CDK6: variants seen among roughly 807,000 people sequenced by gnomAD.
The protein encoded by CDK6 is cyclin dependent kinase 6.
A neutral mutation model predicts 37.1 loss-of-function variants in CDK6; 6 were observed. That is an observed-to-expected ratio of 0.16 (90% CI 0.09 to 0.32). The LOEUF (loss-of-function observed/expected upper bound fraction) is 0.32, where lower values mean the gene tolerates loss of function less well. CDK6 is among the 10% of genes least tolerant of loss of function. CDK6 has a pLI of 1.00. For missense variants in CDK6, 224 were observed against 418.9 expected, an observed-to-expected ratio of 0.53 and a Z score of 4.06; for synonymous variants, 160 against 161.3, an observed-to-expected ratio of 0.99 and a Z score of 0.06.
chr7:92,813,624 T>C (rs1319737411), intron 2 of CDK6, among the ~76,000 whole-genome samples: 1 of 152,236 alleles, frequency 6.6e-6, no homozygotes, highest in Non-Finnish European at 1.5e-5. Context: ...CAGAGCTAGC[T>C]GCAGAGATGG....
chr7:92,784,500 T>A (rs1210704922), intron 2 of CDK6, among the ~76,000 whole-genome samples: 1 of 152,054 alleles, frequency 6.6e-6, no homozygotes, highest in African/African-American at 2.4e-5. Flanking sequence ...CACCTAGACA[T>A]GATGAACTTT....
chr7:92,619,743 G>A (rs991659617), intron 6 of CDK6, among the ~76,000 whole-genome samples: 3 of 151,684 alleles, frequency 2.0e-5, no homozygotes, highest in South Asian at 4.2e-4. Context: ...ACTGTAATTC[G>A]GCCTCTATCA....
At chr7:92,826,281 T>C (rs569911450) in intron 2 of CDK6, among the ~76,000 whole-genome samples, 1 of 152,218 alleles carries the variant, frequency 6.6e-6, no homozygotes, top group African/African-American at 2.4e-5. Flanking sequence ...GAGTTAACAT[T>C]CCATCTTACA....
chr7:92,807,415 TA>T (rs1800755530), intron 2 of CDK6, among the ~76,000 whole-genome samples: 1 of 151,940 alleles, frequency 6.6e-6, no homozygotes, highest in Admixed American at 6.6e-5. Flanking sequence ...TCTATCTAGA[TA>T]TAGATAGATA....
In CDK6 at chr7:92,781,322, C is replaced by CA. The variant is rs1562963664; in HGVS notation, c.234-6492dup. Among the ~76,000 whole-genome samples, 3 of 152,258 alleles carry CA rather than the reference C, an allele frequency of 2.0e-5. No homozygotes were observed. In the East Asian group the frequency reaches 5.8e-4, roughly 29 times the overall value. On this transcript the variant is annotated intron_variant, in intron 2 of 7. Coordinates refer to ENST00000424848, the MANE Select transcript of CDK6 (RefSeq NM_001145306.2). The stretch of plus-strand genomic sequence containing the variant: ...AAGGCTTGCAGTCCAGCACAGCACT[C>CA]AGTTTTCCAGCTGTCCTAGTGATGT...
intron 2 of CDK6, among the ~76,000 whole-genome samples, chr7:92,775,669 G>A (rs1799831836): frequency 6.6e-6 from 1 of 152,000 alleles, no homozygotes; most frequent in Non-Finnish European, 1.5e-5. Context: ...ACACTATTTA[G>A]CACAACAGAT....
intron 4 of CDK6, among the ~76,000 whole-genome samples, chr7:92,693,450 C>T (rs575143856): frequency 1.3e-5 from 2 of 152,288 alleles, no homozygotes; most frequent in Admixed American, 1.3e-4. Context: ...TCAGGACCAA[C>T]TGGTAGGTTT....
intron 2 of CDK6, among the ~76,000 whole-genome samples, chr7:92,832,818 G>A (rs1299026442): frequency 1.3e-5 from 2 of 152,166 alleles, no homozygotes; most frequent in African/African-American, 4.8e-5. Context: ...GGGTGGGCAG[G>A]GAGAAAACGC....
At position 92,611,681 on chromosome 7, in the gene CDK6, T is replaced by C. The variant is rs1486570657; in HGVS notation, c.*3459A>G. 3 of 229,312 alleles carry C rather than the reference T, an allele frequency of 1.3e-5. No homozygotes were observed. Among genetic ancestry groups the C allele is most frequent in the Admixed American group, 1.1e-4 (2 of 17,680 alleles). 14.2% of individuals were successfully genotyped at this position (229,312 alleles called of 1,614,324 possible). A position where few individuals can be genotyped will look rare whatever the true frequency, so the allele number is the denominator to read the frequency against. ...TCTCATCAAGATGGATAGTACATTC[T>C]GGAGAGTCAAACTATACATTTCTCT... On this transcript the variant is annotated 3_prime_UTR_variant, in exon 8 of 8. Coordinates refer to ENST00000424848, the MANE Select transcript of CDK6 (RefSeq NM_001145306.2).
intron 4 of CDK6, among the ~76,000 whole-genome samples, chr7:92,702,706 G>A (rs1347115809): frequency 2.6e-5 from 4 of 152,140 alleles, no homozygotes; most frequent in African/African-American, 9.7e-5. Context: ...AGACTTTGGT[G>A]CCAGAGACCA....
At position 92,605,152 on chromosome 7, in the gene CDK6, T is replaced by A. The variant is rs1439913602; in HGVS notation, c.*9988A>T. 8 of 233,044 alleles carry A rather than the reference T, an allele frequency of 3.4e-5. No homozygotes were observed. Among genetic ancestry groups the A allele is most frequent in the Non-Finnish European group, 5.9e-5 (7 of 117,800 alleles). The allele number at this position is 233,044 out of a possible 1,614,324, so 14.4% of individuals were successfully genotyped here. ...TGCCTCATTCAATTTAGCTTTCACATAAGTGAACACATTGGACAGTGATAT... is the reference window on the plus strand; with the variant it reads ...TGCCTCATTCAATTTAGCTTTCACAAAAGTGAACACATTGGACAGTGATAT... On this transcript the variant is annotated 3_prime_UTR_variant, in exon 8 of 8. Coordinates refer to ENST00000424848, the MANE Select transcript of CDK6 (RefSeq NM_001145306.2).
intron 2 of CDK6, among the ~76,000 whole-genome samples, chr7:92,783,286 T>C (rs1800041633): frequency 6.6e-6 from 1 of 152,182 alleles, no homozygotes; most frequent in Admixed American, 6.5e-5. Context: ...AATTTAAAGG[T>C]TGAATCCAGT....
At chr7:92,621,016 A>G (rs918728818) in intron 6 of CDK6, among the ~76,000 whole-genome samples, 1 of 152,240 alleles carries the variant, frequency 6.6e-6, no homozygotes, top group Non-Finnish European at 1.5e-5. Context: ...TGAAATTCTG[A>G]TAGGTCCATT....
At chr7:92,821,976 A>C (rs1047201219) in intron 2 of CDK6, among the ~76,000 whole-genome samples, 2 of 152,118 alleles carry the variant, frequency 1.3e-5, no homozygotes, top group African/African-American at 4.8e-5. Context: ...AATATGACAT[A>C]CATATTACAT....
chr7:92,714,517 C>CGAAG (rs1798177019), intron 4 of CDK6, among the ~76,000 whole-genome samples: 2 of 152,148 alleles, frequency 1.3e-5, no homozygotes, highest in African/African-American at 4.8e-5. Context: ...TTTACTCCTT[C>CGAAG]ACCTCCCCAA....
At chr7:92,761,835 G>A (rs913187377) in intron 3 of CDK6, among the ~76,000 whole-genome samples, 2 of 152,168 alleles carry the variant, frequency 1.3e-5, no homozygotes, top group Non-Finnish European at 1.5e-5. Flanking sequence ...CACTTGGGAG[G>A]ATACCAAAAT....
intron 2 of CDK6, among the ~76,000 whole-genome samples, chr7:92,817,651 G>A (rs1801063852): frequency 6.6e-6 from 1 of 151,324 alleles, no homozygotes; most frequent in Non-Finnish European, 1.5e-5. Context: ...TCTAGCCAGG[G>A]CAAAAAAAGA....
rs143588734 is a variant in CDK6, at chr7:92,615,176, C to T, written c.945G>A (p.Pro315=). ...RCKENLDSHL[P]PSQNTSELNT... ...TCAGCTCCGAGGTGTTCTGGCTGGGCGGCAGGTGGGAATCCAGGTTTTCTT... is the reference window on the plus strand; with the variant it reads ...TCAGCTCCGAGGTGTTCTGGCTGGGTGGCAGGTGGGAATCCAGGTTTTCTT... Residue 315 remains proline, a synonymous_variant, in exon 8 of 8, where the codon CCG becomes CCA. Transcript: ENST00000424848. The T allele has an allele frequency of 3.5e-5, 56 of 1,613,802 alleles. No individual in the cohort carries two copies. In the African/African-American group the frequency reaches 4.9e-4, roughly 14 times the overall value.
intron 4 of CDK6, among the ~76,000 whole-genome samples, chr7:92,695,778 G>A (rs1177240697): frequency 3.3e-5 from 5 of 152,226 alleles, no homozygotes; most frequent in Non-Finnish European, 7.3e-5. Context: ...AGGCTGAAAG[G>A]CTCAGGACGG....
Sources: gnomAD v4.1 joint callset for allele counts (sites outside exome capture counted in the v4.1 genomes callset) on GRCh38, gnomAD v4.1.1 for gene constraint, MANE v1.5 for transcripts, NCBI Gene and HGNC (gene_info 2026-07-23, HGNC 2026-07-21) for gene names.